The following PDE1C variants were observed in gnomAD, a reference collection of about 807,000 sequenced individuals.
PDE1C encodes phosphodiesterase 1C, also known as dual specificity calcium/calmodulin-dependent 3',5'-cyclic nucleotide phosphodiesterase 1C.
Under a neutral mutation model 93.1 loss-of-function variants are expected in PDE1C, and 62 were observed. The observed-to-expected ratio is 0.67, with a 90% CI of 0.54 to 0.82. PDE1C has a LOEUF of 0.82. Among genes scored for constraint, PDE1C ranks in the 40% least tolerant of loss-of-function variants. The pLI, the probability that PDE1C is intolerant of heterozygous loss-of-function variation, is 0.00. For synonymous variants in PDE1C, 325 were observed against 310.1 expected (o/e 1.05, Z -0.50); for missense variants, 742 against 884.6 (o/e 0.84, Z 2.04).
intron 1 of PDE1C, among the ~76,000 whole-genome samples, chr7:32,419,230 G>A (rs1392098922): frequency 1.3e-5 from 2 of 152,172 alleles, no homozygotes; most frequent in African/African-American, 4.8e-5. Context: ...GGAAGAAAGA[G>A]CCTGTTACTG....
chr7:32,274,447 A>T (rs1419357941), intron 1 of PDE1C, among the ~76,000 whole-genome samples: 3 of 148,952 alleles, frequency 2.0e-5, no homozygotes, highest in African/African-American at 7.5e-5. Flanking sequence ...GGTTCAAGGG[A>T]TCCTCCCACC....
intron 3 of PDE1C, among the ~76,000 whole-genome samples, chr7:32,112,804 A>G (rs374209691): frequency 0.027 from 1,768 of 66,270 alleles, 24 homozygotes; most frequent in South Asian, 0.061. Flanking sequence ...ATATACATAT[A>G]TGTGTGTGTG....
At chr7:31,988,715 G>A (rs532745279) in intron 2 of PDE1C, among the ~76,000 whole-genome samples, 92 of 152,200 alleles carry the variant, frequency 6.0e-4, no homozygotes, top group Non-Finnish European at 8.7e-4. Flanking sequence ...AATAAATACA[G>A]GCTTGGCACA....
chr7:31,897,783 C>G (rs1039585801), intron 2 of PDE1C, among the ~76,000 whole-genome samples: 2 of 152,128 alleles, frequency 1.3e-5, no homozygotes, highest in Non-Finnish European at 2.9e-5. Context: ...ATCTCCAACG[C>G]TCATTAATTC....
chr7:31,730,227 C>A, the PDE1C span, among the ~76,000 whole-genome samples: 1 of 152,156 alleles, frequency 6.6e-6, no homozygotes, highest in East Asian at 1.9e-4. Context: ...CTGTGTTGCA[C>A]AAACCTACAC....
At chr7:32,241,316 A>G (rs1265011903) in intron 1 of PDE1C, among the ~76,000 whole-genome samples, 7 of 152,214 alleles carry the variant, frequency 4.6e-5, no homozygotes. Flanking sequence ...CCAACCTAGA[A>G]GGAGCCTCCA....
intron 1 of PDE1C, among the ~76,000 whole-genome samples, chr7:32,237,840 G>A (rs570458012): frequency 2.1e-5 from 3 of 141,414 alleles, no homozygotes; most frequent in South Asian, 2.2e-4. Context: ...GCATGATCTC[G>A]GTTCACTGCA....
At chr7:31,830,818 A>G (rs941197225) in intron 11 of PDE1C, among the ~76,000 whole-genome samples, 1 of 152,164 alleles carries the variant, frequency 6.6e-6, no homozygotes, top group Non-Finnish European at 1.5e-5. Context: ...GTAGACAAGC[A>G]CTTTGGAAGC....
chr7:32,018,287 C>G (rs1440140954), intron 2 of PDE1C, among the ~76,000 whole-genome samples: 1 of 152,034 alleles, frequency 6.6e-6, no homozygotes, highest in South Asian at 2.1e-4. Context: ...AGAGTTACCA[C>G]ATGACCCAGT....
intron 16 of PDE1C, among the ~76,000 whole-genome samples, chr7:31,790,755 G>C (rs1584096979): frequency 6.6e-6 from 1 of 152,096 alleles, no homozygotes; most frequent in East Asian, 1.9e-4. Flanking sequence ...TCATTTTGCA[G>C]ATGGGTGAAT....
At chr7:31,651,486 A>T in the PDE1C span, among the ~76,000 whole-genome samples, 2 of 152,100 alleles carry the variant, frequency 1.3e-5, no homozygotes, top group Non-Finnish European at 2.9e-5. Context: ...AGGTCAAAAG[A>T]CAGGCAGTCA....
At chr7:32,385,361 T>C (rs1052102352) in intron 1 of PDE1C, among the ~76,000 whole-genome samples, 1 of 152,230 alleles carries the variant, frequency 6.6e-6, no homozygotes, top group African/African-American at 2.4e-5. Context: ...TTCTCCATTA[T>C]GCCAAAGAGG....
chr7:31,677,697 T>A, the PDE1C span, among the ~76,000 whole-genome samples: 1 of 152,074 alleles, frequency 6.6e-6, no homozygotes, highest in Non-Finnish European at 1.5e-5. Flanking sequence ...ATTAGAAAAC[T>A]TCTAGGCTTT....
At chr7:31,693,422 T>A in the PDE1C span, among the ~76,000 whole-genome samples, 1 of 152,152 alleles carries the variant, frequency 6.6e-6, no homozygotes, top group African/African-American at 2.4e-5. Flanking sequence ...CTTTTAAAAT[T>A]GTGTTTGCAG....
chr7:31,803,579 G>A (rs1383099257), intron 16 of PDE1C, among the ~76,000 whole-genome samples: 1 of 151,844 alleles, frequency 6.6e-6, no homozygotes, highest in Non-Finnish European at 1.5e-5. Flanking sequence ...CCCGGTGTGT[G>A]ATGTTCCCCT....
intron 2 of PDE1C, among the ~76,000 whole-genome samples, chr7:31,984,537 T>A (rs1461514085): frequency 6.6e-6 from 1 of 152,142 alleles, no homozygotes; most frequent in Non-Finnish European, 1.5e-5. Context: ...AACAAAGGTA[T>A]CACTCTTTCA....
At chr7:31,928,563 C>T (rs1184787890) in intron 2 of PDE1C, among the ~76,000 whole-genome samples, 2 of 152,164 alleles carry the variant, frequency 1.3e-5, no homozygotes, top group Non-Finnish European at 2.9e-5. Flanking sequence ...AAGGGATGCC[C>T]ATCTAACTAA....
intron 2 of PDE1C, among the ~76,000 whole-genome samples, chr7:31,928,399 C>A (rs371201740): frequency 2.6e-5 from 4 of 152,266 alleles, no homozygotes; most frequent in Non-Finnish European, 4.4e-5. Context: ...CCTAGCAAGA[C>A]AGCCAAACAT....
Position 31,850,721 on chromosome 7 carries a change from C to A in PDE1C, c.771G>T (p.Glu257Asp). The A allele has an allele frequency of 6.2e-7, 1 of 1,612,816 alleles. No individual in the cohort carries two copies. The highest frequency in any genetic ancestry group is 8.5e-7 in the Non-Finnish European group (1 of 1,179,004). Residue 257 changes from glutamate to aspartate, a missense_variant, in exon 8 of 18, where the codon GAG becomes GAT. By Grantham distance (45) the Glu-to-Asp change is conservative. Coordinates refer to ENST00000396191, the MANE Select transcript of PDE1C (RefSeq NM_001191057.4). ...TGVANWLTEL[E>D]IFAIIFSAAI... ...CAGCTGAGAAGATTATAGCAAAGAT[C>A]TCCAGCTCCGTCAGCCAGTTCTGAA... is the stretch of plus-strand genomic sequence containing the variant.
Sources: gnomAD v4.1 joint callset for allele counts (sites outside exome capture counted in the v4.1 genomes callset) on GRCh38, gnomAD v4.1.1 for gene constraint, MANE v1.5 for transcripts, NCBI Gene and HGNC (gene_info 2026-07-23, HGNC 2026-07-21) for gene names.